The following PDE4B variants were observed in gnomAD, a reference collection of about 807,000 sequenced individuals.
PDE4B encodes 3',5'-cyclic-AMP phosphodiesterase 4B.
PDE4B carries 20 observed loss-of-function variants against 82.2 expected under a neutral mutation model. That is an observed-to-expected ratio of 0.24 (90% CI 0.17 to 0.35). The LOEUF (loss-of-function observed/expected upper bound fraction) is 0.35, where lower values mean the gene tolerates loss of function less well. Ranked by LOEUF, PDE4B falls within the 10% of genes least tolerant of loss-of-function variation. The pLI, the probability that PDE4B is intolerant of heterozygous loss-of-function variation, is 1.00. For missense variants in PDE4B, 655 were observed against 907.2 expected (o/e 0.72, Z 3.57); for synonymous variants, 320 against 318.9 (o/e 1.00, Z -0.04).
At chr1:66,161,311 G>C (rs1335363559) in intron 3 of PDE4B, among the ~76,000 whole-genome samples, 3 of 151,722 alleles carry the variant, frequency 2.0e-5, no homozygotes, top group Admixed American at 2.0e-4. Context: ...CACACACAAT[G>C]GTCTTTTTGT....
chr1:66,143,812 C>T (rs1032011810), intron 3 of PDE4B, among the ~76,000 whole-genome samples: 7 of 152,140 alleles, frequency 4.6e-5, no homozygotes, highest in African/African-American at 1.7e-4. Flanking sequence ...TGCCCTGCAC[C>T]CTTCTTTCTA....
intron 3 of PDE4B, among the ~76,000 whole-genome samples, chr1:66,185,053 T>C (rs1313208087): frequency 2.6e-5 from 4 of 152,226 alleles, no homozygotes; most frequent in Admixed American, 6.5e-5. Context: ...TGTGTTCTCA[T>C]TGTTCAATTC....
intron 1 of PDE4B, among the ~76,000 whole-genome samples, chr1:65,848,366 G>A (rs539566625): frequency 6.6e-6 from 1 of 152,014 alleles, no homozygotes; most frequent in Non-Finnish European, 1.5e-5. Flanking sequence ...GGATGGTCTC[G>A]ATCTCTTGAC....
intron 1 of PDE4B, among the ~76,000 whole-genome samples, chr1:65,829,914 GCT>G (rs1173093340): frequency 6.6e-6 from 1 of 152,110 alleles, no homozygotes; most frequent in Admixed American, 6.6e-5. Flanking sequence ...GTGTAAATTA[GCT>G]CTTTCTGTTA....
intron 3 of PDE4B, among the ~76,000 whole-genome samples, chr1:66,235,219 T>C (rs1578040): frequency 0.03 from 4,594 of 152,318 alleles, 229 homozygotes; most frequent in African/African-American, 0.1. Flanking sequence ...AAAATGTCTA[T>C]CTTTGTCAAT....
At chr1:66,245,370 G>T (rs1450386817) in intron 3 of PDE4B, among the ~76,000 whole-genome samples, 2 of 152,158 alleles carry the variant, frequency 1.3e-5, no homozygotes, top group Admixed American at 1.3e-4. Flanking sequence ...TAAGTTTTGT[G>T]TAATCCCCTC....
intron 9 of PDE4B, 140 bp from the exon 10 acceptor site, chr1:66,361,475 A>C: frequency 3.3e-6 from 2 of 607,714 alleles, no homozygotes; most frequent in Non-Finnish European, 2.9e-6. Context: ...GAACTGCCCT[A>C]GAGATACAGT....
At chr1:66,320,259 G>A (rs1046791544) in intron 7 of PDE4B, among the ~76,000 whole-genome samples, 4 of 151,980 alleles carry the variant, frequency 2.6e-5, no homozygotes, top group Admixed American at 1.3e-4. Flanking sequence ...AAAAACCCAC[G>A]TGGGATTCTA....
At chr1:66,054,086 C>T (rs994653137) in intron 3 of PDE4B, among the ~76,000 whole-genome samples, 10 of 152,064 alleles carry the variant, frequency 6.6e-5, no homozygotes, top group East Asian at 1.9e-4. Flanking sequence ...ATGCAGAAGG[C>T]GGTGGATCCA....
chr1:65,885,125 G>A (rs973434054), intron 1 of PDE4B, among the ~76,000 whole-genome samples: 2 of 152,136 alleles, frequency 1.3e-5, no homozygotes, highest in Admixed American at 6.6e-5. Flanking sequence ...CATCATCACT[G>A]GCCATCAGAG....
intron 3 of PDE4B, among the ~76,000 whole-genome samples, chr1:66,045,518 C>T (rs1654654183): frequency 6.6e-6 from 1 of 151,574 alleles, no homozygotes; most frequent in Non-Finnish European, 1.5e-5. Flanking sequence ...AAATACTTTC[C>T]TGGCTTGTAC....
At chr1:66,359,056 C>T (rs1162620394) in intron 9 of PDE4B, among the ~76,000 whole-genome samples, 1 of 152,124 alleles carries the variant, frequency 6.6e-6, no homozygotes, top group Non-Finnish European at 1.5e-5. Context: ...AAAGCAGGAC[C>T]TAGGGAGAAG....
chr1:66,061,349 T>G (rs1483164810), intron 3 of PDE4B, among the ~76,000 whole-genome samples: 1 of 151,714 alleles, frequency 6.6e-6, no homozygotes, highest in Non-Finnish European at 1.5e-5. Context: ...CAAATGCCCA[T>G]GCTTTCTAAA....
chr1:66,367,719 A>T lies in PDE4B; in HGVS notation c.1408A>T (p.Asn470Tyr). 6.2e-7 allele frequency: 1 copy of T among 1,613,210 alleles called. No homozygotes were observed. The highest frequency in any genetic ancestry group is 8.5e-7 in the Non-Finnish European group (1 of 1,179,500). ...NTNSELALMY[N>Y]DESVLENHHL... ...AGATTCAGAACTTGCTTTGATGTAT[A>T]ATGATGAATCTGTGTTGGAAAATCA... is the stretch of plus-strand genomic sequence containing the variant. Residue 470 changes from asparagine (N) to tyrosine (Y), a missense_variant, in exon 14 of 17, where the codon AAT becomes TAT. Coordinates refer to ENST00000341517, the MANE Select transcript of PDE4B (RefSeq NM_002600.4).
chr1:65,845,550 C>T (rs1646258107), intron 1 of PDE4B, among the ~76,000 whole-genome samples: 1 of 152,122 alleles, frequency 6.6e-6, no homozygotes, highest in South Asian at 2.1e-4. Flanking sequence ...ATGTTTTACT[C>T]TTTGAGATGA....
At chr1:66,092,865 G>C (rs1645050634) in intron 3 of PDE4B, among the ~76,000 whole-genome samples, 1 of 152,016 alleles carries the variant, frequency 6.6e-6, no homozygotes, top group Non-Finnish European at 1.5e-5. Context: ...TCTCATTTCT[G>C]TCAGTGGGAA....
intron 3 of PDE4B, among the ~76,000 whole-genome samples, chr1:65,924,328 CCTCCCAAAGTGCT>C (rs1647383245): frequency 6.6e-6 from 1 of 151,350 alleles, no homozygotes; most frequent in Admixed American, 6.6e-5. Flanking sequence ...CCCGCCTCGG[CCTCCCAAAGTGCT>C]GGGATTACAG....
At chr1:66,272,589 C>T (rs764518112) in intron 7 of PDE4B, among the ~76,000 whole-genome samples, 1 of 151,562 alleles carries the variant, frequency 6.6e-6, no homozygotes, top group Non-Finnish European at 1.5e-5. Flanking sequence ...TTTTATCTCC[C>T]TCTTCACCTA....
Position 65,813,740 on chromosome 1 carries a change from A to C in PDE4B, c.-71+20492A>C, listed in dbSNP as rs534602156. ...TTTTTAAAGTAAAAGAGGAAAATGA[A>C]TCAAGGATAACTTCAGGGTATTTTT... On this transcript the variant is annotated intron_variant, in intron 1 of 16. Coordinates refer to ENST00000341517, the MANE Select transcript of PDE4B (RefSeq NM_002600.4). 2.6e-5 allele frequency among the ~76,000 whole-genome samples: 4 copies of C among 152,298 alleles called. No homozygotes were observed. The East Asian group carries it at 7.7e-4, about 29-fold the overall frequency.
Sources: gnomAD v4.1 joint callset for allele counts (sites outside exome capture counted in the v4.1 genomes callset) on GRCh38, gnomAD v4.1.1 for gene constraint, MANE v1.5 for transcripts, NCBI Gene and HGNC (gene_info 2026-07-23, HGNC 2026-07-21) for gene names.